Variants in TTC29 observed in about 807,000 individuals in gnomAD.
TTC29 encodes the protein tetratricopeptide repeat protein 29.
TTC29 carries 49 observed loss-of-function variants against 58.1 expected under a neutral mutation model. The ratio of observed to expected loss-of-function variants is 0.84; its 90% CI spans 0.67 to 1.07. The LOEUF (loss-of-function observed/expected upper bound fraction) is 1.07. Among genes scored for constraint, TTC29 ranks in the 50% least tolerant of loss-of-function variants. The pLI, the probability that TTC29 is intolerant of heterozygous loss-of-function variation, is 0.00. For missense variants in TTC29, 582 were observed against 555.6 expected, an observed-to-expected ratio of 1.05 and a Z score of -0.48; for synonymous variants, 209 against 196.8, an observed-to-expected ratio of 1.06 and a Z score of -0.52.
intron 11 of TTC29, among the ~76,000 whole-genome samples, chr4:146,756,002 C>T (rs557800567): frequency 1.4e-4 from 21 of 152,148 alleles, no homozygotes; most frequent in South Asian, 4.2e-4. Context: ...AGGCTGGGTG[C>T]GGTGGCTCAA....
intron 11 of TTC29, among the ~76,000 whole-genome samples, chr4:146,745,405 A>G (rs930051632): frequency 6.6e-6 from 1 of 152,228 alleles, no homozygotes; most frequent in African/African-American, 2.4e-5. Context: ...GAGCCTTGAG[A>G]GAGATAGCTT....
chr4:146,856,638 G>A (rs2150191908), intron 8 of TTC29, among the ~76,000 whole-genome samples: 1 of 150,284 alleles, frequency 6.7e-6, no homozygotes, highest in Admixed American at 6.6e-5. Context: ...TATAATCAAG[G>A]TAAAAAAAGA....
At chr4:146,798,739 T>C (rs1361429695) in intron 11 of TTC29, among the ~76,000 whole-genome samples, 2 of 151,298 alleles carry the variant, frequency 1.3e-5, no homozygotes, top group Non-Finnish European at 3.0e-5. Context: ...TAGAAAAAAT[T>C]AGCCAGGTAT....
chr4:146,902,106 C>A (rs1480316190), intron 6 of TTC29, among the ~76,000 whole-genome samples: 1 of 152,164 alleles, frequency 6.6e-6, no homozygotes, highest in Non-Finnish European at 1.5e-5. Flanking sequence ...AGTAGTTTTC[C>A]ATTGTTTTAT....
intron 10 of TTC29, among the ~76,000 whole-genome samples, chr4:146,814,272 A>G (rs1279494389): frequency 6.6e-6 from 1 of 152,136 alleles, no homozygotes; most frequent in African/African-American, 2.4e-5. Context: ...TACATGGATA[A>G]TTCAAATACA....
chr4:146,785,242 G>C (rs1748925928), intron 11 of TTC29, among the ~76,000 whole-genome samples: 1 of 150,032 alleles, frequency 6.7e-6, no homozygotes, highest in Non-Finnish European at 1.5e-5. Flanking sequence ...GCCCAGGCTG[G>C]AGTGCAATGG....
At chr4:146,919,541 AT>A (rs1240012867) in intron 4 of TTC29, among the ~76,000 whole-genome samples, 1 of 150,958 alleles carries the variant, frequency 6.6e-6, no homozygotes, top group Non-Finnish European at 1.5e-5. Flanking sequence ...TCAAATGATC[AT>A]TTTTGTCTAA....
chr4:146,710,140 T>C (rs1408469978), intron 11 of TTC29, among the ~76,000 whole-genome samples: 1 of 152,120 alleles, frequency 6.6e-6, no homozygotes, highest in Non-Finnish European at 1.5e-5. Context: ...TTCTAAGAAA[T>C]GAGTCATTAG....
chr4:146,744,889 G>C (rs1561082308), intron 11 of TTC29, among the ~76,000 whole-genome samples: 1 of 152,166 alleles, frequency 6.6e-6, no homozygotes, highest in Non-Finnish European at 1.5e-5. Flanking sequence ...AGACGTGTGA[G>C]TTGTATTAAA....
chr4:146,797,302 A>G lies in TTC29; in HGVS notation c.1330+6155T>C, dbSNP rs556096538. Among the ~76,000 whole-genome samples, 15 of 152,358 alleles carry G rather than the reference A, an allele frequency of 9.8e-5. No homozygotes were observed. In the South Asian group the frequency reaches 3.1e-3, roughly 32 times the overall value. On this transcript the variant is annotated intron_variant, in intron 11 of 12. Transcript: ENST00000325106. ...AACCAATTATTTTTAAAGCAAATTTAAAAAGAAAAATTATTTTTACTGACA... is the reference window on the plus strand; with the variant it reads ...AACCAATTATTTTTAAAGCAAATTTGAAAAGAAAAATTATTTTTACTGACA...
intron 8 of TTC29, among the ~76,000 whole-genome samples, chr4:146,847,070 G>A (rs185313803): frequency 1.5e-4 from 23 of 152,144 alleles, no homozygotes; most frequent in Non-Finnish European, 2.4e-4. Context: ...AAGAAGCTTC[G>A]TCTATTACCC....
chr4:146,877,762 G>T (rs1731367966), intron 6 of TTC29, among the ~76,000 whole-genome samples: 1 of 152,132 alleles, frequency 6.6e-6, no homozygotes, highest in South Asian at 2.1e-4. Context: ...AAGGGATGTA[G>T]AATACTGTGA....
intron 4 of TTC29, among the ~76,000 whole-genome samples, chr4:146,921,754 G>A (rs1029621321): frequency 1.3e-4 from 20 of 150,976 alleles, no homozygotes; most frequent in African/African-American, 4.8e-4. Flanking sequence ...TATTTCAACA[G>A]TAATTGCCTA....
At chr4:146,835,406 A>G (rs951185249) in intron 8 of TTC29, among the ~76,000 whole-genome samples, 2 of 152,180 alleles carry the variant, frequency 1.3e-5, no homozygotes, top group Non-Finnish European at 2.9e-5. Flanking sequence ...ATCTTTTGGA[A>G]TCCTAATATC....
intron 9 of TTC29, among the ~76,000 whole-genome samples, chr4:146,829,966 G>A (rs1223549240): frequency 6.6e-6 from 1 of 152,074 alleles, no homozygotes; most frequent in African/African-American, 2.4e-5. Flanking sequence ...AAAGAGAAAC[G>A]CCATAAGGAA....
chr4:146,926,057 A>G (rs1734909110), intron 4 of TTC29, among the ~76,000 whole-genome samples: 1 of 152,212 alleles, frequency 6.6e-6, no homozygotes, highest in South Asian at 2.1e-4. Flanking sequence ...ACCAGTTAAC[A>G]CAGAGAATAG....
intron 10 of TTC29, among the ~76,000 whole-genome samples, chr4:146,818,047 C>T (rs944429254): frequency 8.6e-5 from 13 of 152,026 alleles, no homozygotes; most frequent in African/African-American, 2.4e-4. Flanking sequence ...TCTAAAACAC[C>T]GAAAGCAATG....
chr4:146,828,661 T>C (rs1727968410), intron 9 of TTC29, among the ~76,000 whole-genome samples: 1 of 152,080 alleles, frequency 6.6e-6, no homozygotes, highest in South Asian at 2.1e-4. Context: ...GTTTAGAGTA[T>C]GAGAAACACA....
intron 8 of TTC29, among the ~76,000 whole-genome samples, chr4:146,835,526 T>C (rs1204351941): frequency 6.6e-6 from 1 of 152,182 alleles, no homozygotes. Flanking sequence ...TCTGCCAAAA[T>C]AGTTCATTTG....
Sources: allele counts gnomAD v4.1 joint callset (sites outside exome capture counted in the v4.1 genomes callset), GRCh38; gene constraint gnomAD v4.1.1; transcripts MANE v1.5; gene names NCBI Gene and HGNC (gene_info 2026-07-23, HGNC 2026-07-21).